The following CDH13 variants were observed in gnomAD, a reference collection of about 807,000 sequenced individuals.
The protein encoded by CDH13 is cadherin 13, also known as cadherin-13.
In CDH13, 24 loss-of-function variants were observed where a neutral mutation model predicts 63.8. The ratio of observed to expected loss-of-function variants is 0.38; its 90% CI spans 0.27 to 0.53. The LOEUF is 0.53. CDH13 is among the 20% of genes least tolerant of loss of function. CDH13 has a pLI of 0.85. For missense variants in CDH13, 1,049 were observed against 903.1 expected (o/e 1.16, Z -2.07); for synonymous variants, 503 against 355.3 (o/e 1.42, Z -4.67).
At chr16:82,673,190 C>T (rs577527519) in intron 1 of CDH13, among the ~76,000 whole-genome samples, 28 of 151,826 alleles carry the variant, frequency 1.8e-4, no homozygotes, top group African/African-American at 6.5e-4. Context: ...TTCGACGAAG[C>T]CCCGGGTAGG....
chr16:82,814,141 G>A (rs982098307), intron 1 of CDH13, among the ~76,000 whole-genome samples: 1 of 152,048 alleles, frequency 6.6e-6, no homozygotes. Flanking sequence ...TACATATTTG[G>A]TCTCTGCCCC....
At chr16:83,510,187 T>C (rs2074523836) in intron 7 of CDH13, among the ~76,000 whole-genome samples, 1 of 152,190 alleles carries the variant, frequency 6.6e-6, no homozygotes, top group Admixed American at 6.5e-5. Flanking sequence ...TTCAGGGATA[T>C]TATTTTCGAG....
intron 10 of CDH13, among the ~76,000 whole-genome samples, chr16:83,680,451 C>G (rs1170842397): frequency 2.0e-5 from 3 of 152,086 alleles, no homozygotes; most frequent in Non-Finnish European, 2.9e-5. Flanking sequence ...GCAGTCCCAG[C>G]AAACTGAGTT....
At chr16:82,675,754 A>G (rs571045911) in intron 1 of CDH13, among the ~76,000 whole-genome samples, 8 of 152,158 alleles carry the variant, frequency 5.3e-5, no homozygotes, top group African/African-American at 1.2e-4. Flanking sequence ...GAATTTTTCT[A>G]TATATCCAGT....
chr16:82,778,027 A>G (rs746769388), intron 1 of CDH13, among the ~76,000 whole-genome samples: 1 of 152,196 alleles, frequency 6.6e-6, no homozygotes, highest in Admixed American at 6.5e-5. Context: ...GTTGCCTTCT[A>G]TGCTTTAGAA....
intron 1 of CDH13, among the ~76,000 whole-genome samples, chr16:82,689,580 TGAA>T (rs946457747): frequency 6.6e-6 from 1 of 152,182 alleles, no homozygotes; most frequent in Middle Eastern, 3.2e-3. Flanking sequence ...CTTCTACACT[TGAA>T]GATTGTTTTC....
chr16:83,112,488 A>G (rs1453134262), intron 3 of CDH13, among the ~76,000 whole-genome samples: 1 of 152,210 alleles, frequency 6.6e-6, no homozygotes, highest in African/African-American at 2.4e-5. Flanking sequence ...TGGAGGGCTT[A>G]ATGTGTTTTT....
rs919329477 is a variant in CDH13, at chr16:82,965,983, C to G, written c.158-66027C>G. On this transcript the variant is annotated intron_variant, in intron 2 of 13. Transcript: ENST00000567109. ...AGTAATTCAGGGCATGAAAATATCCCTGTCAGCCAATCAGTCAACGAGTTG... is the reference window on the plus strand; with the variant it reads ...AGTAATTCAGGGCATGAAAATATCCGTGTCAGCCAATCAGTCAACGAGTTG... 4.6e-5 allele frequency among the ~76,000 whole-genome samples: 7 copies of G among 152,168 alleles called. No homozygotes were observed. In the East Asian group the frequency reaches 9.6e-4, roughly 21 times the overall value.
At chr16:83,248,341 G>C (rs1042603737) in intron 5 of CDH13, among the ~76,000 whole-genome samples, 1 of 152,132 alleles carries the variant, frequency 6.6e-6, no homozygotes, top group Non-Finnish European at 1.5e-5. Context: ...TCAGGAGCGG[G>C]TCTATCTGTT....
chr16:83,011,599 C>A (rs1396668235), intron 2 of CDH13, among the ~76,000 whole-genome samples: 1 of 152,194 alleles, frequency 6.6e-6, no homozygotes, highest in Non-Finnish European at 1.5e-5. Flanking sequence ...CCAGGTTGCA[C>A]AAGAAACATG....
At chr16:82,817,226 G>A (rs797004914) in intron 1 of CDH13, among the ~76,000 whole-genome samples, 51 of 152,142 alleles carry the variant, frequency 3.4e-4, no homozygotes, top group African/African-American at 1.2e-3. Flanking sequence ...ACTTGGAGAA[G>A]GTTTTCTCTC....
At chr16:83,376,321 A>G (rs1475137590) in intron 6 of CDH13, among the ~76,000 whole-genome samples, 1 of 152,200 alleles carries the variant, frequency 6.6e-6, no homozygotes. Flanking sequence ...GCTTGTGCCT[A>G]CACCTAGAGC....
intron 5 of CDH13, among the ~76,000 whole-genome samples, chr16:83,303,070 G>T (rs2089787913): frequency 6.6e-6 from 1 of 152,188 alleles, no homozygotes; most frequent in African/African-American, 2.4e-5. Context: ...CCACATGATG[G>T]CATCAGAGAG....
Position 82,780,174 on chromosome 16 carries a change from G to C in CDH13, c.46-78188G>C, listed in dbSNP as rs1473752947. 7.2e-5 allele frequency among the ~76,000 whole-genome samples: 11 copies of C among 152,100 alleles called. No individual in the cohort carries two copies. The East Asian group carries it at 1.7e-3, about 24-fold the overall frequency. On this transcript the variant is annotated intron_variant, in intron 1 of 13. Transcript: ENST00000567109. ...TAGGAATGGGGGTGGGGAAAGGTCAGGACTATATATTTAAGAAAAAAACCC... is the reference window on the plus strand; with the variant it reads ...TAGGAATGGGGGTGGGGAAAGGTCACGACTATATATTTAAGAAAAAAACCC...
intron 5 of CDH13, among the ~76,000 whole-genome samples, chr16:83,292,197 C>T (rs1044363980): frequency 6.6e-6 from 1 of 152,190 alleles, no homozygotes; most frequent in African/African-American, 2.4e-5. Flanking sequence ...TAGATATGGG[C>T]AAAACCCAAT....
At chr16:83,560,763 T>A (rs1239210411) in intron 7 of CDH13, among the ~76,000 whole-genome samples, 1 of 152,198 alleles carries the variant, frequency 6.6e-6, no homozygotes, top group Non-Finnish European at 1.5e-5. Flanking sequence ...CTCTCCAAGT[T>A]TCTATTCCAA....
chr16:83,412,440 T>TGACA (rs1201496219), intron 6 of CDH13, among the ~76,000 whole-genome samples: 1 of 152,122 alleles, frequency 6.6e-6, no homozygotes, highest in Non-Finnish European at 1.5e-5. Flanking sequence ...CCAGCCTGGG[T>TGACA]GACTGAGTTA....
intron 5 of CDH13, among the ~76,000 whole-genome samples, chr16:83,338,681 G>A (rs188781538): frequency 4.9e-4 from 74 of 152,352 alleles, no homozygotes; most frequent in South Asian, 2.1e-4. Context: ...AGATCTGAAG[G>A]ATGAATAGCG....
intron 2 of CDH13, among the ~76,000 whole-genome samples, chr16:82,986,321 A>G (rs1910933393): frequency 6.6e-6 from 1 of 152,196 alleles, no homozygotes. Context: ...AACCTTTGAC[A>G]TTTGATACAA....
Sources: allele counts gnomAD v4.1 joint callset (sites outside exome capture counted in the v4.1 genomes callset), GRCh38; gene constraint gnomAD v4.1.1; transcripts MANE v1.5; gene names NCBI Gene and HGNC (gene_info 2026-07-23, HGNC 2026-07-21).